SUMF1: variants seen among roughly 807,000 people sequenced by gnomAD.
SUMF1 encodes sulfatase modifying factor 1.
A neutral mutation model predicts 47.6 loss-of-function variants in SUMF1; 48 were observed. The ratio of observed to expected loss-of-function variants is 1.01; its 90% CI spans 0.80 to 1.28. The LOEUF is 1.28. Ranked by LOEUF, SUMF1 falls within the 50% of genes most tolerant of loss-of-function variation. The probability of loss-of-function intolerance (pLI) is 0.00; values close to 1 mark genes in which losing one functional copy is unlikely to be tolerated. For synonymous variants in SUMF1, 230 were observed against 192.1 expected (o/e 1.20, Z -1.63); for missense variants, 571 against 485.4 (o/e 1.18, Z -1.66).
chr3:4,259,449 T>C (rs1317753024), intron 8 of SUMF1, among the ~76,000 whole-genome samples: 3 of 152,164 alleles, frequency 2.0e-5, no homozygotes, highest in Admixed American at 6.5e-5. Flanking sequence ...TCATTCAACA[T>C]AGTATGAAAA....
intron 8 of SUMF1, among the ~76,000 whole-genome samples, chr3:4,364,779 T>C (rs1699892143): frequency 6.6e-6 from 1 of 151,922 alleles, no homozygotes; most frequent in Admixed American, 6.6e-5. Context: ...TTTGAATGTG[T>C]TTGCTCTTGC....
intron 8 of SUMF1, among the ~76,000 whole-genome samples, chr3:4,165,641 AGTATT>A (rs1419285425): frequency 6.6e-6 from 1 of 152,120 alleles, no homozygotes; most frequent in African/African-American, 2.4e-5. Flanking sequence ...GCTGCAGGAT[AGTATT>A]GTAATTTATA....
intron 8 of SUMF1, among the ~76,000 whole-genome samples, chr3:4,116,127 C>A (rs1476801000): frequency 1.3e-5 from 2 of 152,130 alleles, no homozygotes; most frequent in African/African-American, 4.8e-5. Context: ...CAGTTAACAT[C>A]ATCCCCAATG....
chr3:4,043,048 G>C (rs765819016), intron 9 of SUMF1, among the ~76,000 whole-genome samples: 1 of 152,078 alleles, frequency 6.6e-6, no homozygotes, highest in African/African-American at 2.4e-5. Flanking sequence ...AAGGTGGCAG[G>C]AGAGCAGAGT....
intron 8 of SUMF1, among the ~76,000 whole-genome samples, chr3:4,252,492 A>C (rs1015001627): frequency 6.6e-6 from 1 of 152,174 alleles, no homozygotes; most frequent in African/African-American, 2.4e-5. Flanking sequence ...CTGAACTTTC[A>C]AATATTGAAA....
At chr3:4,249,972 C>A (rs1381481723) in intron 8 of SUMF1, among the ~76,000 whole-genome samples, 1 of 152,026 alleles carries the variant, frequency 6.6e-6, no homozygotes, top group East Asian at 1.9e-4. Context: ...TCACTTGAGG[C>A]CAGGAGTTTG....
intron 8 of SUMF1, among the ~76,000 whole-genome samples, chr3:4,070,765 AGC>A (rs1695502507): frequency 6.6e-6 from 1 of 151,866 alleles, no homozygotes; most frequent in Non-Finnish European, 1.5e-5. Flanking sequence ...CCTCCTGAGT[AGC>A]TGGGACTACA....
intron 9 of SUMF1, among the ~76,000 whole-genome samples, chr3:4,038,969 C>G (rs1694854861): frequency 6.6e-6 from 1 of 152,258 alleles, no homozygotes; most frequent in South Asian, 2.1e-4. Flanking sequence ...AAGACAGCAA[C>G]TTAACCATTT....
chr3:4,209,525 C>A (rs1477572747), intron 8 of SUMF1, among the ~76,000 whole-genome samples: 1 of 151,842 alleles, frequency 6.6e-6, no homozygotes, highest in Non-Finnish European at 1.5e-5. Context: ...TAAACTTTAT[C>A]ACAAATGACA....
At chr3:4,034,632 G>A (rs2125012830) in intron 9 of SUMF1, among the ~76,000 whole-genome samples, 1 of 152,208 alleles carries the variant, frequency 6.6e-6, no homozygotes, top group East Asian at 1.9e-4. Context: ...AGACTTACAT[G>A]GGTATCCAGA....
chr3:4,193,857 T>C (rs1281654166), intron 8 of SUMF1, among the ~76,000 whole-genome samples: 2 of 152,250 alleles, frequency 1.3e-5, no homozygotes, highest in South Asian at 4.1e-4. Flanking sequence ...TAATGCCTAC[T>C]TCATGAAATT....
intron 7 of SUMF1, among the ~76,000 whole-genome samples, chr3:4,381,847 C>G (rs534195331): frequency 1.4e-4 from 21 of 152,252 alleles, no homozygotes; most frequent in African/African-American, 5.1e-4. Flanking sequence ...GAGTTCAAGA[C>G]CGGCCTTGGG....
chr3:4,426,823 T>A (rs1475163504), intron 3 of SUMF1, among the ~76,000 whole-genome samples: 1 of 152,092 alleles, frequency 6.6e-6, no homozygotes, highest in Non-Finnish European at 1.5e-5. Flanking sequence ...CTCCCTTATA[T>A]CCAGAGGAAA....
chr3:4,066,595 C>T (rs554901855), intron 9 of SUMF1, among the ~76,000 whole-genome samples: 2 of 152,204 alleles, frequency 1.3e-5, no homozygotes, highest in South Asian at 4.1e-4. Flanking sequence ...ATTATTCCTC[C>T]TGACTGCTTC....
At chr3:4,174,238 C>A (rs974934037) in intron 8 of SUMF1, among the ~76,000 whole-genome samples, 1 of 151,720 alleles carries the variant, frequency 6.6e-6, no homozygotes, top group African/African-American at 2.4e-5. Flanking sequence ...CACCTGTAGT[C>A]CCAGCTACTC....
intron 8 of SUMF1, among the ~76,000 whole-genome samples, chr3:4,296,494 A>G (rs1697854265): frequency 6.6e-6 from 1 of 152,190 alleles, no homozygotes; most frequent in African/African-American, 2.4e-5. Flanking sequence ...AGGCCTCACA[A>G]TCATGGTGGA....
At chr3:4,104,640 T>G (rs1693115722) in intron 8 of SUMF1, among the ~76,000 whole-genome samples, 2 of 151,654 alleles carry the variant, frequency 1.3e-5, no homozygotes, top group Admixed American at 6.6e-5. Context: ...AGGTGGAGGA[T>G]CTAGAGGATC....
At chr3:4,415,028 A>G (rs1430911968) in intron 6 of SUMF1, 1 of 152,002 alleles carries the variant, frequency 6.6e-6, no homozygotes, top group Non-Finnish European at 1.5e-5. Context: ...AGGATCACCT[A>G]CCAGCCTGGC....
At chr3:4,102,787 C>T (rs1349470808) in intron 8 of SUMF1, among the ~76,000 whole-genome samples, 3 of 150,578 alleles carry the variant, frequency 2.0e-5, no homozygotes, top group East Asian at 3.9e-4. Context: ...ATGTAGCTTA[C>T]TTGATAGGGT....
Sources: allele counts gnomAD v4.1 joint callset (sites outside exome capture counted in the v4.1 genomes callset), GRCh38; gene constraint gnomAD v4.1.1; transcripts MANE v1.5; gene names NCBI Gene and HGNC (gene_info 2026-07-23, HGNC 2026-07-21).